The following MAPK8IP3 variants were observed in gnomAD, a reference collection of about 807,000 sequenced individuals.
MAPK8IP3 encodes the protein mitogen-activated protein kinase 8 interacting protein 3.
In MAPK8IP3, 49 loss-of-function variants were observed where a neutral mutation model predicts 157.8. The ratio of observed to expected loss-of-function variants is 0.31; its 90% confidence interval spans 0.25 to 0.39. The LOEUF is 0.39. MAPK8IP3 is among the 10% of genes least tolerant of loss of function. The pLI is 1.00. For synonymous variants in MAPK8IP3, 897 were observed against 777.7 expected (o/e 1.15, Z -2.55); for missense variants, 1,478 against 1,889.4 (o/e 0.78, Z 4.04).
chr16:1,761,285 A>G lies in MAPK8IP3; in HGVS notation c.1519A>G (p.Ser507Gly), dbSNP rs2041919643. ...EPKEEAEDVSSYLCTESDKIP... is the reference protein window; with the variant it reads ...EPKEEAEDVSGYLCTESDKIP... ...CAAAGAAGAGGCGGAGGATGTAAGC[A>G]GCTATCTCTGTACAGAATCGGTACA... The change falls in exon 13 of 32, where the codon AGC becomes GGC. Residue 507 changes from serine to glycine, a missense_variant. Ser to Gly is a moderately conservative substitution (Grantham distance 56). Around this residue, in one of 11 missense-constraint regions of MAPK8IP3, gnomAD observed 96 missense variants for 106.3 expected, o/e 0.90. Transcript: ENST00000610761. The G allele has an allele frequency of 6.2e-7, 1 of 1,613,502 alleles. No homozygotes were observed. The highest frequency in any genetic ancestry group is 1.1e-5 in the South Asian group (1 of 91,092).
chr16:1,737,382 G>A (rs2040047413), intron 4 of MAPK8IP3, among the ~76,000 whole-genome samples: 1 of 108,882 alleles, frequency 9.2e-6, no homozygotes, highest in Non-Finnish European at 1.9e-5. Context: ...GTGAGAGTGT[G>A]ACCATCCATG....
chr16:1,748,428 C>A, intron 7 of MAPK8IP3, 82 bp downstream of exon 7: 1 of 1,273,390 alleles, frequency 7.9e-7, no homozygotes, highest in Non-Finnish European at 1.1e-6. Context: ...CTTCCTCTGC[C>A]ACCACTGGGA....
At chr16:1,720,353 A>G (rs1035051250) in intron 1 of MAPK8IP3, among the ~76,000 whole-genome samples, 58 of 152,190 alleles carry the variant, frequency 3.8e-4, no homozygotes, top group Admixed American at 7.2e-4. Flanking sequence ...TATAGTAGCA[A>G]ACATTTTAAA....
chr16:1,713,698 G>A (rs2037944167), intron 1 of MAPK8IP3: 1 of 152,208 alleles, frequency 6.6e-6, no homozygotes, highest in Non-Finnish European at 1.5e-5. Flanking sequence ...GCCAAGAAGA[G>A]CCTGGTGGGA....
intron 8 of MAPK8IP3, among the ~76,000 whole-genome samples, chr16:1,755,047 CAT>C (rs1038323120): frequency 1.4e-4 from 22 of 152,274 alleles, no homozygotes; most frequent in East Asian, 9.7e-4. Context: ...GTAGAGGAAA[CAT>C]GTGAGAATAT....
At position 1,762,873 on chromosome 16, in the gene MAPK8IP3, C is replaced by T; in HGVS notation, c.1765C>T (p.Pro589Ser). 1 of 1,613,230 alleles carries T rather than the reference C, an allele frequency of 6.2e-7. No homozygotes were observed. Among genetic ancestry groups the T allele is most frequent in the Non-Finnish European group, 8.5e-7 (1 of 1,179,964 alleles). Reference sequence around the variant, plus strand: ...CTTCAGCTCTTCCTCCAGCCCCCCTCCGGCCAAGCGCCCCTATCCCTCGGT... The same window carrying T: ...CTTCAGCTCTTCCTCCAGCCCCCCTTCGGCCAAGCGCCCCTATCCCTCGGT... ...RLFSSSSSPP[P>S]AKRPYPSVNI... The change falls in exon 16 of 32, where the codon CCG (proline) becomes TCG (serine). Residue 589 changes from proline (P) to serine (S), a missense_variant. Around this residue, in one of 11 missense-constraint regions of MAPK8IP3, gnomAD observed 669 missense variants for 759.8 expected, o/e 0.88. Transcript: ENST00000610761.
chr16:1,769,034 G>C lies in MAPK8IP3; in HGVS notation c.*210G>C. 1 of 608,576 alleles carries C rather than the reference G, an allele frequency of 1.6e-6. No homozygotes were observed. The highest frequency in any genetic ancestry group is 2.9e-6 in the Non-Finnish European group (1 of 347,996). The allele number at this position is 608,576 out of a possible 1,614,324, so 37.7% of individuals were successfully genotyped here. A position where few individuals can be genotyped will look rare whatever the true frequency, so the allele number is the denominator to read the frequency against. On this transcript the variant is annotated 3_prime_UTR_variant, in exon 32 of 32. Coordinates refer to ENST00000610761, the MANE Select transcript of MAPK8IP3 (RefSeq NM_001318852.2). ...AGGGGAGGGGAACTTCCACCCGAGG[G>C]GAAGATGCTCTCGGGACAGTTTCCC...
chr16:1,739,900 A>T (rs1447107254), intron 4 of MAPK8IP3, among the ~76,000 whole-genome samples: 16 of 60,536 alleles, frequency 2.6e-4, no homozygotes, highest in East Asian at 6.1e-4. Flanking sequence ...CCGTGTGAGC[A>T]TCCCTGTGAC....
chr16:1,718,506 T>A (rs2038304029), intron 1 of MAPK8IP3, among the ~76,000 whole-genome samples: 1 of 151,774 alleles, frequency 6.6e-6, no homozygotes, highest in South Asian at 2.1e-4. Context: ...ATAAAAATAT[T>A]TTCTAGGCCG....
rs1045973348 is a variant in MAPK8IP3 at position 1,767,316 on chromosome 16, C to G, written c.3237+19C>G. 6.8e-6 allele frequency: 11 copies of G among 1,612,246 alleles called. No individual in the cohort carries two copies. The East Asian group carries it at 1.8e-4, about 26-fold the overall frequency. ...GATAGAGGCGAGTGCCGGCCAGGGC[C>G]CCGGGGAGGGGAAGAGGCTCCTGCT... is the stretch of plus-strand genomic sequence containing the variant. On this transcript the variant is annotated intron_variant, in intron 26 of 31. Transcript: ENST00000610761.
At chr16:1,729,299 C>A in intron 3 of MAPK8IP3, 91 bp downstream of exon 3, 1 of 1,446,014 alleles carries the variant, frequency 6.9e-7, no homozygotes, top group Non-Finnish European at 9.7e-7. Flanking sequence ...GTTTTCTTCC[C>A]TGGCATGTCC....
chr16:1,734,227 G>A (rs1267273096), intron 4 of MAPK8IP3, among the ~76,000 whole-genome samples: 1 of 152,270 alleles, frequency 6.6e-6, no homozygotes, highest in Non-Finnish European at 1.5e-5. Context: ...GGGGCTGGCG[G>A]CCCTGTCTCC....
chr16:1,734,440 C>T (rs1172875017), intron 4 of MAPK8IP3, among the ~76,000 whole-genome samples: 1 of 152,202 alleles, frequency 6.6e-6, no homozygotes, highest in East Asian at 1.9e-4. Context: ...CCTCCCCAGG[C>T]CGAGACCCTG....
At chr16:1,708,039 G>A (rs117456300) in intron 1 of MAPK8IP3, 2,797 of 152,310 alleles carry the variant, frequency 0.018, 40 homozygotes, top group Non-Finnish European at 0.028. Context: ...TCGCGAGGTG[G>A]TTATGCATTG....
At position 1,768,577 on chromosome 16, in the gene MAPK8IP3, G is replaced by A. The variant is rs754431168; in HGVS notation, c.3843G>A (p.Arg1281=). ...PASEVEGQKL[R]NVLVLSGGEG... ...CGGAGGTCGAGGGCCAGAAGCTGCG[G>A]AACGTGCTGGTGCTGAGCGGCGGGG... Residue 1281 remains arginine (R), a synonymous_variant, in exon 31 of 32, where the codon CGG becomes CGA. Coordinates refer to ENST00000610761, the MANE Select transcript of MAPK8IP3 (RefSeq NM_001318852.2). The A allele has an allele frequency of 3.1e-6, 5 of 1,589,000 alleles. No homozygotes were observed. Among genetic ancestry groups the A allele is most frequent in the African/African-American group, 1.3e-5 (1 of 74,526 alleles).
intron 3 of MAPK8IP3, 117 bp from the exon 4 acceptor site, chr16:1,729,370 T>C: frequency 7.9e-7 from 1 of 1,265,988 alleles, no homozygotes; most frequent in South Asian, 1.3e-5. Flanking sequence ...TAGATTCCCC[T>C]CCAGGACGCT....
intron 1 of MAPK8IP3, among the ~76,000 whole-genome samples, chr16:1,709,907 T>C (rs2037657685): frequency 1.3e-5 from 2 of 152,192 alleles, no homozygotes; most frequent in Admixed American, 6.5e-5. Flanking sequence ...AAACTGCTGC[T>C]GGTAACACCC....
Position 1,706,312 on chromosome 16 carries a change from AGCCGCGCTGGCGGCGGCGGTG to A in MAPK8IP3, c.-21_-1del. On this transcript the variant is annotated 5_prime_UTR_variant, in exon 1 of 32. Coordinates refer to ENST00000610761, the MANE Select transcript of MAPK8IP3 (RefSeq NM_001318852.2). This position sits in a 1 kb window ranked among gnomAD's most constrained non-coding sequence, Gnocchi z 5.1. ...GGCCGGGCGCGCCGGCCGGATAGCGAGCCGCGCTGGCGGCGGCGGTGGCCGCGATGATGGAGATCCAGATGG... is the reference window on the plus strand; with the variant it reads ...GGCCGGGCGCGCCGGCCGGATAGCGAGCCGCGATGATGGAGATCCAGATGG... 4 of 1,523,298 alleles carry A rather than the reference AGCCGCGCTGGCGGCGGCGGTG, an allele frequency of 2.6e-6. No individual in the cohort carries two copies. Among genetic ancestry groups the A allele is most frequent in the Non-Finnish European group, 3.5e-6 (4 of 1,135,598 alleles). 94.4% of individuals were successfully genotyped at this position (1,523,298 alleles called of 1,614,324 possible).
chr16:1,737,750 A>G lies in MAPK8IP3; in HGVS notation c.603-5582A>G, dbSNP rs1323521271. 1.0e-4 allele frequency among the ~76,000 whole-genome samples: 3 copies of G among 29,204 alleles called. 1 individual carries two copies. The highest frequency in any genetic ancestry group is 2.0e-3 in the East Asian group (1 of 492). The allele number at this position is 29,204 out of a possible 152,430, so 19.2% of individuals were successfully genotyped here. On this transcript the variant is annotated intron_variant, in intron 4 of 31. Coordinates refer to ENST00000610761, the MANE Select transcript of MAPK8IP3 (RefSeq NM_001318852.2). Reference sequence around the variant, plus strand: ...TGTGAGCATCCGTGTGAGCGTGACCATCCGTGTGTGTGACCATCCGTGTGA... The same window carrying G: ...TGTGAGCATCCGTGTGAGCGTGACCGTCCGTGTGTGTGACCATCCGTGTGA...
Sources: gnomAD v4.1 joint callset for allele counts (sites outside exome capture counted in the v4.1 genomes callset) on GRCh38, gnomAD v4.1.1 for gene constraint, gnomAD v4.1.1 regional missense constraint, Gnocchi (gnomAD v3.1) non-coding constraint, MANE v1.5 for transcripts, NCBI Gene and HGNC (gene_info 2026-07-23, HGNC 2026-07-21) for gene names.